RIC1: variants seen among roughly 807,000 people sequenced by gnomAD.
The protein encoded by RIC1 is RIC1 partner of RAB6A GEF complex.
A neutral mutation model predicts 169.0 loss-of-function variants in RIC1; 88 were observed. The observed-to-expected ratio is 0.52, with a 90% CI of 0.44 to 0.62. The LOEUF is 0.62. RIC1 is among the 20% of genes least tolerant of loss of function. The pLI, the probability that RIC1 is intolerant of heterozygous loss-of-function variation, is 0.00. For missense variants in RIC1, 1,877 were observed against 1,725.5 expected (o/e 1.09, Z -1.56); for synonymous variants, 790 against 601.5 (o/e 1.31, Z -4.59).
rs1236945206 is a variant in RIC1, at chr9:5,775,819, G to A, written c.*1573G>A. ...TAATATTTCACAAAATGAAACTCCC[G>A]AATGGGTGGAGTATGTGATTATTGG... On this transcript the variant is annotated 3_prime_UTR_variant, in exon 26 of 26. Coordinates refer to ENST00000414202, the MANE Select transcript of RIC1 (RefSeq NM_020829.4). 1 of 152,064 alleles carries A rather than the reference G, an allele frequency of 6.6e-6. No individual in the cohort carries two copies. Among genetic ancestry groups the A allele is most frequent in the East Asian group, 1.9e-4 (1 of 5,200 alleles). The allele number at this position is 152,064 out of a possible 1,614,324, so 9.4% of individuals were successfully genotyped here. A position where few individuals can be genotyped will look rare whatever the true frequency, so the allele number is the denominator to read the frequency against.
At chr9:5,630,573 G>C (rs1356316713) in intron 1 of RIC1, among the ~76,000 whole-genome samples, 1 of 152,158 alleles carries the variant, frequency 6.6e-6, no homozygotes, top group Non-Finnish European at 1.5e-5. Flanking sequence ...TTAGTGACGG[G>C]TAATTCTGGT....
In RIC1 at chr9:5,738,540, T is replaced by G. The variant is rs1587072991; in HGVS notation, c.901+2T>G. On this transcript the variant is annotated splice_donor_variant, in intron 8 of 25. Transcript: ENST00000414202. LOFTEE classifies it high-confidence loss of function. ...AGCTAACAGCAAAACAGTATCCTGG[T>G]GAGTCTTTTTTTTTTTTTTTTTTTT... The G allele has an allele frequency of 1.4e-6, 2 of 1,396,290 alleles. No homozygotes were observed. The highest frequency in any genetic ancestry group is 1.9e-6 in the Non-Finnish European group (2 of 1,037,458). The allele number at this position is 1,396,290 out of a possible 1,614,324, so 86.5% of individuals were successfully genotyped here.
rs540529443 is a variant in RIC1 at position 5,641,313 on chromosome 9, G to C, written c.144+11860G>C. ...TCACTGTGTTAGCCAGGATGGTCTC[G>C]ATCTCCTGACCTCATGATCTGCCCG... is the stretch of plus-strand genomic sequence containing the variant. On this transcript the variant is annotated intron_variant, in intron 1 of 25. Transcript: ENST00000414202. Among the ~76,000 whole-genome samples the C allele has an allele frequency of 7.2e-5, 11 of 152,008 alleles. No individual in the cohort carries two copies. In the South Asian group the frequency reaches 2.3e-3, roughly 32 times the overall value.
At chr9:5,717,020 A>G (rs1270312456) in intron 4 of RIC1, among the ~76,000 whole-genome samples, 1 of 152,200 alleles carries the variant, frequency 6.6e-6, no homozygotes, top group Non-Finnish European at 1.5e-5. Flanking sequence ...TGAGAAGGAT[A>G]TATCTATCTC....
downstream of RIC1, among the ~76,000 whole-genome samples, chr9:5,776,872 C>T (rs1827617696): frequency 6.6e-6 from 1 of 152,016 alleles, no homozygotes; most frequent in Non-Finnish European, 1.5e-5. Flanking sequence ...TATAGAGGAA[C>T]CTAGGCGTCA....
Position 5,774,290 on chromosome 9 carries a change from C to T in RIC1, c.*44C>T, listed in dbSNP as rs765325341. The T allele has an allele frequency of 7.2e-6, 11 of 1,518,312 alleles. No individual in the cohort carries two copies. The highest frequency in any genetic ancestry group is 6.9e-5 in the African/African-American group (5 of 72,726). The allele number at this position is 1,518,312 out of a possible 1,614,324, so 94.1% of individuals were successfully genotyped here. A position where few individuals can be genotyped will look rare whatever the true frequency, so the allele number is the denominator to read the frequency against. On this transcript the variant is annotated 3_prime_UTR_variant, in exon 26 of 26. Coordinates refer to ENST00000414202, the MANE Select transcript of RIC1 (RefSeq NM_020829.4). Reference sequence around the variant, plus strand: ...AAGGGGCAGTATTAATTAGCAGCAGCGTGCAGCTCAGTACGTTGTAACATA... The same window carrying T: ...AAGGGGCAGTATTAATTAGCAGCAGTGTGCAGCTCAGTACGTTGTAACATA...
At chr9:5,773,132 C>G (rs752048600) in intron 25 of RIC1, 52 bp downstream of exon 25, 2 of 1,200,042 alleles carry the variant, frequency 1.7e-6, no homozygotes, top group Non-Finnish European at 2.3e-6. Context: ...TTTGGTGAAT[C>G]CTGTCCTTTC....
intron 1 of RIC1, among the ~76,000 whole-genome samples, chr9:5,644,380 ATAT>A (rs1214110258): frequency 6.6e-6 from 1 of 152,126 alleles, no homozygotes; most frequent in Admixed American, 6.5e-5. Context: ...CCAGGTCATA[ATAT>A]TTCTTTTTTC....
chr9:5,733,323 G>A (rs565358743), intron 7 of RIC1, among the ~76,000 whole-genome samples: 2 of 150,642 alleles, frequency 1.3e-5, no homozygotes, highest in Non-Finnish European at 3.0e-5. Flanking sequence ...GAGTGCAGTG[G>A]AGCGATCTCA....
chr9:5,756,209 C>T lies in RIC1; in HGVS notation c.1693-3C>T. On this transcript the variant is annotated splice_polypyrimidine_tract_variant and splice_region_variant and intron_variant, in intron 15 of 25. Coordinates refer to ENST00000414202, the MANE Select transcript of RIC1 (RefSeq NM_020829.4). The stretch of plus-strand genomic sequence containing the variant: ...TAATTTTCTTCATTTTTGTTTTCTT[C>T]AGCTTAGAGTATACTTGCGAACATC... The T allele has an allele frequency of 6.6e-7, 1 of 1,503,934 alleles. No homozygotes were observed. The highest frequency in any genetic ancestry group is 9.0e-7 in the Non-Finnish European group (1 of 1,117,014). 93.2% of individuals were successfully genotyped at this position (1,503,934 alleles called of 1,614,324 possible).
At chr9:5,683,800 C>G (rs1331696431) in intron 2 of RIC1, among the ~76,000 whole-genome samples, 2 of 152,206 alleles carry the variant, frequency 1.3e-5, no homozygotes, top group East Asian at 3.9e-4. Flanking sequence ...CCACCCAGTT[C>G]AACTTCCCGG....
At position 5,724,369 on chromosome 9, in the gene RIC1, T is replaced by C. The variant is rs192146130; in HGVS notation, c.720+3619T>C. The stretch of plus-strand genomic sequence containing the variant: ...GATTTGGTTCTGTGTTTGTCTGTTA[T>C]TGGTGTATAGGAATGCTTGTGATTT... On this transcript the variant is annotated intron_variant, in intron 6 of 25. Transcript: ENST00000414202. Among the ~76,000 whole-genome samples, 4 of 152,338 alleles carry C rather than the reference T, an allele frequency of 2.6e-5. No individual in the cohort carries two copies. The East Asian group carries it at 5.8e-4, about 22-fold the overall frequency.
chr9:5,632,035 A>C (rs1454507912), intron 1 of RIC1, among the ~76,000 whole-genome samples: 1 of 152,216 alleles, frequency 6.6e-6, no homozygotes, highest in African/African-American at 2.4e-5. Context: ...AGATACAAGT[A>C]GTTTTATAAT....
chr9:5,694,522 G>A (rs1821775556), intron 3 of RIC1, among the ~76,000 whole-genome samples: 1 of 152,126 alleles, frequency 6.6e-6, no homozygotes, highest in South Asian at 2.1e-4. Flanking sequence ...ATGTACATGG[G>A]TGACCTTTTA....
intron 2 of RIC1, among the ~76,000 whole-genome samples, chr9:5,684,984 C>A (rs549656631): frequency 1.3e-5 from 2 of 151,674 alleles, no homozygotes; most frequent in East Asian, 3.9e-4. Flanking sequence ...TTTTGTTAAA[C>A]CCCAACCCTG....
intron 23 of RIC1, among the ~76,000 whole-genome samples, chr9:5,771,764 A>G (rs533056432): frequency 3.0e-4 from 45 of 152,286 alleles, no homozygotes; most frequent in African/African-American, 1.1e-3. Context: ...GATAATTTCA[A>G]ATATATTAAA....
chr9:5,655,850 ATGT>A (rs1819065493), intron 1 of RIC1, among the ~76,000 whole-genome samples: 2 of 151,482 alleles, frequency 1.3e-5, no homozygotes, highest in Admixed American at 1.3e-4. Flanking sequence ...TTCATAAGAG[ATGT>A]TGATCTGTAG....
intron 1 of RIC1, among the ~76,000 whole-genome samples, chr9:5,653,723 G>A (rs992253714): frequency 5.3e-5 from 8 of 151,844 alleles, no homozygotes; most frequent in African/African-American, 7.2e-5. Flanking sequence ...TCAGCCTCCC[G>A]AGTAGCTGTG....
chr9:5,771,054 G>A (rs973855765), intron 23 of RIC1, among the ~76,000 whole-genome samples: 33 of 152,156 alleles, frequency 2.2e-4, no homozygotes, highest in Non-Finnish European at 7.4e-5. Context: ...GATCTCATTA[G>A]TTTTGTTTTA....
Sources: gnomAD v4.1 joint callset for allele counts (sites outside exome capture counted in the v4.1 genomes callset) on GRCh38, gnomAD v4.1.1 for gene constraint, MANE v1.5 for transcripts, NCBI Gene and HGNC (gene_info 2026-07-23, HGNC 2026-07-21) for gene names.